The following SOX5 variants were observed in gnomAD, a reference collection of about 807,000 sequenced individuals.
SOX5 encodes the protein transcription factor SOX-5.
In SOX5, 9 loss-of-function variants were observed where a neutral mutation model predicts 92.0. That is an observed-to-expected ratio of 0.10 (90% CI 0.06 to 0.17). SOX5 has a LOEUF of 0.17. Among genes scored for constraint, SOX5 ranks in the 10% least tolerant of loss-of-function variants. The pLI is 1.00. For missense variants in SOX5, 642 were observed against 944.5 expected (o/e 0.68, Z 4.20); for synonymous variants, 344 against 336.3 (o/e 1.02, Z -0.25).
At chr12:24,057,662 C>T (rs1958267074) in intron 4 of SOX5, among the ~76,000 whole-genome samples, 1 of 152,182 alleles carries the variant, frequency 6.6e-6, no homozygotes, top group Non-Finnish European at 1.5e-5. Flanking sequence ...TTCAATAATA[C>T]TGTCAACAAA....
At chr12:24,407,059 A>T (rs1963123762) in intron 1 of SOX5, among the ~76,000 whole-genome samples, 1 of 151,958 alleles carries the variant, frequency 6.6e-6, no homozygotes. Context: ...ATAACACAGG[A>T]GCTGCTGAAC....
chr12:23,706,210 A>C (rs372560850), intron 6 of SOX5, among the ~76,000 whole-genome samples: 2 of 152,222 alleles, frequency 1.3e-5, no homozygotes, highest in East Asian at 3.9e-4. Flanking sequence ...AGTCAGCCAT[A>C]AAAGTAGATA....
At chr12:23,686,164 T>C (rs1167617687) in intron 6 of SOX5, among the ~76,000 whole-genome samples, 1 of 152,158 alleles carries the variant, frequency 6.6e-6, no homozygotes, top group Non-Finnish European at 1.5e-5. Flanking sequence ...AATGCTGAAA[T>C]AGTATCAGGT....
chr12:24,094,007 T>A (rs950512407), intron 4 of SOX5, among the ~76,000 whole-genome samples: 6 of 152,148 alleles, frequency 3.9e-5, no homozygotes, highest in Non-Finnish European at 7.4e-5. Flanking sequence ...AGCGCAATGG[T>A]GTGATCTCGG....
intron 4 of SOX5, among the ~76,000 whole-genome samples, chr12:24,192,799 A>T (rs191425803): frequency 1.3e-5 from 2 of 152,292 alleles, no homozygotes; most frequent in East Asian, 1.9e-4. Flanking sequence ...AGCAACTGTC[A>T]TTCATCTTCC....
intron 7 of SOX5, among the ~76,000 whole-genome samples, 165 bp downstream of exon 7, chr12:23,665,279 T>C (rs12822491): frequency 0.88 from 133,514 of 151,834 alleles, 58,959 homozygotes; most frequent in Middle Eastern, 0.93. Context: ...TTAATCTAAG[T>C]CCTTTAAGTA....
At chr12:24,019,001 TCTCA>T (rs944090907) in intron 4 of SOX5, among the ~76,000 whole-genome samples, 3 of 151,984 alleles carry the variant, frequency 2.0e-5, no homozygotes, top group Non-Finnish European at 4.4e-5. Context: ...TTTTTGAGGG[TCTCA>T]CTCTGTCACC....
intron 1 of SOX5, among the ~76,000 whole-genome samples, chr12:24,446,567 A>G (rs1237687386): frequency 1.3e-5 from 2 of 152,170 alleles, no homozygotes; most frequent in Non-Finnish European, 2.9e-5. Context: ...ATGCACCAAC[A>G]TGGGGAAGAG....
At chr12:24,008,344 A>G (rs575777139) in intron 4 of SOX5, among the ~76,000 whole-genome samples, 13 of 152,160 alleles carry the variant, frequency 8.5e-5, no homozygotes, top group Non-Finnish European at 1.0e-4. Flanking sequence ...AGAACCGACT[A>G]TTATGATTGT....
intron 4 of SOX5, among the ~76,000 whole-genome samples, chr12:23,970,306 A>G (rs753516875): frequency 3.9e-5 from 6 of 151,958 alleles, no homozygotes; most frequent in Non-Finnish European, 8.8e-5. Flanking sequence ...ACATATATAT[A>G]TATCTTACAA....
chr12:24,006,932 G>A (rs962853899), intron 4 of SOX5, among the ~76,000 whole-genome samples: 2 of 151,270 alleles, frequency 1.3e-5, no homozygotes, highest in South Asian at 2.1e-4. Context: ...TCAGGAATTC[G>A]AGACCAGCCT....
chr12:24,016,862 C>A (rs577277089), intron 4 of SOX5, among the ~76,000 whole-genome samples: 38 of 152,268 alleles, frequency 2.5e-4, no homozygotes, highest in Admixed American at 1.3e-3. Flanking sequence ...TGTGTCTCTG[C>A]TTCTAGATTT....
chr12:24,201,653 A>C (rs1266700643), intron 4 of SOX5, among the ~76,000 whole-genome samples: 2 of 152,216 alleles, frequency 1.3e-5, no homozygotes, highest in Non-Finnish European at 2.9e-5. Flanking sequence ...TCAAGTTGCT[A>C]TCGATCCTTT....
intron 6 of SOX5, among the ~76,000 whole-genome samples, chr12:23,679,930 T>A (rs1438767054): frequency 6.7e-6 from 1 of 149,774 alleles, no homozygotes; most frequent in African/African-American, 2.5e-5. Flanking sequence ...AAATATTTGC[T>A]TACAAAAAGG....
chr12:24,499,449 G>T (rs1225788270), intron 1 of SOX5, among the ~76,000 whole-genome samples: 2 of 152,242 alleles, frequency 1.3e-5, no homozygotes, highest in Non-Finnish European at 2.9e-5. Context: ...AAGGAAAGGG[G>T]ATAATATGAG....
intron 1 of SOX5, among the ~76,000 whole-genome samples, chr12:23,937,012 T>C (rs898267652): frequency 6.6e-6 from 1 of 150,840 alleles, no homozygotes; most frequent in African/African-American, 2.4e-5. Context: ...AGCGTTTCTT[T>C]ATACTTTCCT....
chr12:23,532,872 A>G lies in SOX5; in HGVS notation c.*1347T>C. On this transcript the variant is annotated 3_prime_UTR_variant, in exon 15 of 15. Transcript: ENST00000451604. Reference sequence around the variant, plus strand: ...ATTCTATTTGTCTGAAAAAATGGCCAAATATATTCAATGAAAACAATGATT... The same window carrying G: ...ATTCTATTTGTCTGAAAAAATGGCCGAATATATTCAATGAAAACAATGATT... 6.0e-6 allele frequency: 1 copy of G among 165,468 alleles called. No homozygotes were observed. The highest frequency in any genetic ancestry group is 1.3e-5 in the Non-Finnish European group (1 of 75,688). 10.2% of individuals were successfully genotyped at this position (165,468 alleles called of 1,614,324 possible).
intron 2 of SOX5, among the ~76,000 whole-genome samples, chr12:24,345,971 C>T (rs1022109387): frequency 6.6e-6 from 1 of 152,152 alleles, no homozygotes; most frequent in South Asian, 2.1e-4. Flanking sequence ...AACAAGGGAG[C>T]CCAGGTTCCA....
At chr12:23,896,669 TA>T (rs1288519112) in intron 1 of SOX5, among the ~76,000 whole-genome samples, 1 of 150,386 alleles carries the variant, frequency 6.6e-6, no homozygotes, top group African/African-American at 2.4e-5. Context: ...CTCCCCAAAT[TA>T]CCCAATTTGG....
Sources: gnomAD v4.1 joint callset for allele counts (sites outside exome capture counted in the v4.1 genomes callset) on GRCh38, gnomAD v4.1.1 for gene constraint, MANE v1.5 for transcripts, NCBI Gene and HGNC (gene_info 2026-07-23, HGNC 2026-07-21) for gene names.